Variants in MEGF11 observed in about 807,000 individuals in gnomAD.
The protein encoded by MEGF11 is multiple epidermal growth factor-like domains protein 11.
In MEGF11, 126 loss-of-function variants were observed where a neutral mutation model predicts 146.6. The ratio of observed to expected loss-of-function variants is 0.86; its 90% CI spans 0.74 to 1.00. The LOEUF (loss-of-function observed/expected upper bound fraction) is 1.00. MEGF11 is among the 50% of genes least tolerant of loss of function. The pLI is 0.00. For synonymous variants in MEGF11, 532 were observed against 583.4 expected, an observed-to-expected ratio of 0.91 and a Z score of 1.27; for missense variants, 1,509 against 1,521.2, an observed-to-expected ratio of 0.99 and a Z score of 0.13.
chr15:65,962,216 C>T lies in MEGF11; in HGVS notation c.1112+2692G>A, dbSNP rs528172945. ...AAAAAGGCTCATGGGAAGAGAGGGGCTGCCCTCCATCCACATAGAGGAAGA... is the reference window on the plus strand; with the variant it reads ...AAAAAGGCTCATGGGAAGAGAGGGGTTGCCCTCCATCCACATAGAGGAAGA... On this transcript the variant is annotated intron_variant, in intron 9 of 25. Transcript: ENST00000395614. 5.9e-5 allele frequency among the ~76,000 whole-genome samples: 9 copies of T among 152,312 alleles called. No homozygotes were observed. In the East Asian group the frequency reaches 1.7e-3, roughly 29 times the overall value.
intron 5 of MEGF11, among the ~76,000 whole-genome samples, chr15:66,029,272 G>A (rs2083439039): frequency 6.6e-6 from 1 of 152,136 alleles, no homozygotes; most frequent in Non-Finnish European, 1.5e-5. Context: ...AGGGAGGGGT[G>A]CAGAGAATGT....
At chr15:65,955,802 A>G (rs2080603593) in intron 10 of MEGF11, among the ~76,000 whole-genome samples, 1 of 81,648 alleles carries the variant, frequency 1.2e-5, no homozygotes, top group Non-Finnish European at 2.3e-5. Context: ...ATACACACAC[A>G]CACACACACA....
chr15:66,147,758 A>G (rs1427226129), intron 1 of MEGF11, among the ~76,000 whole-genome samples: 1 of 150,042 alleles, frequency 6.7e-6, no homozygotes, highest in Non-Finnish European at 1.5e-5. Context: ...CCCAGAACAC[A>G]ACACACCTTG....
intron 1 of MEGF11, among the ~76,000 whole-genome samples, chr15:66,229,419 A>C (rs1449663654): frequency 1.3e-5 from 2 of 152,172 alleles, no homozygotes; most frequent in African/African-American, 4.8e-5. Flanking sequence ...GCCAGGCAGA[A>C]ATGTGGGCCT....
At chr15:66,092,227 G>C (rs1345660507) in intron 5 of MEGF11, among the ~76,000 whole-genome samples, 1 of 152,242 alleles carries the variant, frequency 6.6e-6, no homozygotes, top group African/African-American at 2.4e-5. Flanking sequence ...AGGTATTCAA[G>C]CAAAGGTTGG....
chr15:66,176,558 T>G (rs2090393637), intron 1 of MEGF11, among the ~76,000 whole-genome samples: 1 of 152,152 alleles, frequency 6.6e-6, no homozygotes, highest in South Asian at 2.1e-4. Flanking sequence ...CAGCCACATC[T>G]CAAGAACTCA....
At chr15:65,939,035 A>G (rs1233854767) in intron 10 of MEGF11, among the ~76,000 whole-genome samples, 1 of 152,118 alleles carries the variant, frequency 6.6e-6, no homozygotes, top group East Asian at 1.9e-4. Context: ...GGAGGATGGA[A>G]AGTGGTTGAC....
intron 5 of MEGF11, among the ~76,000 whole-genome samples, chr15:65,987,130 C>G (rs2081890139): frequency 6.6e-6 from 1 of 152,192 alleles, no homozygotes; most frequent in Non-Finnish European, 1.5e-5. Context: ...AATGGCTTCA[C>G]CACCGTCTTC....
At chr15:66,014,853 A>G (rs1326216982) in intron 5 of MEGF11, among the ~76,000 whole-genome samples, 1 of 152,168 alleles carries the variant, frequency 6.6e-6, no homozygotes, top group African/African-American at 2.4e-5. Flanking sequence ...CCCAGAGAAA[A>G]TAACCACATA....
At chr15:65,989,957 G>A (rs755691329) in intron 5 of MEGF11, among the ~76,000 whole-genome samples, 22 of 152,232 alleles carry the variant, frequency 1.4e-4, no homozygotes, top group South Asian at 4.1e-4. Flanking sequence ...ACTTTGGGAG[G>A]CCGAGGAAGG....
intron 1 of MEGF11, among the ~76,000 whole-genome samples, chr15:66,170,010 T>C (rs1030534223): frequency 9.1e-5 from 6 of 65,670 alleles, no homozygotes; most frequent in Non-Finnish European, 2.9e-4. Flanking sequence ...AGAGACCGTC[T>C]GCCGAAAAAA....
At chr15:66,243,839 G>A (rs777695662) in intron 1 of MEGF11, among the ~76,000 whole-genome samples, 1 of 152,008 alleles carries the variant, frequency 6.6e-6, no homozygotes, top group Admixed American at 6.6e-5. Context: ...GATACACAGG[G>A]GTAAGTCACC....
chr15:66,138,429 G>A (rs571680800), intron 1 of MEGF11, among the ~76,000 whole-genome samples: 1 of 152,190 alleles, frequency 6.6e-6, no homozygotes, highest in South Asian at 2.1e-4. Context: ...AAAATAGATG[G>A]ATAAAGCACG....
intron 3 of MEGF11, among the ~76,000 whole-genome samples, chr15:66,121,752 CTG>C (rs1223203494): frequency 2.0e-5 from 3 of 152,204 alleles, no homozygotes. Flanking sequence ...CGTCTGGCCA[CTG>C]ATTTATCCTT....
chr15:65,967,343 G>C (rs1312188286), intron 8 of MEGF11, among the ~76,000 whole-genome samples: 1 of 152,180 alleles, frequency 6.6e-6, no homozygotes, highest in Non-Finnish European at 1.5e-5. Flanking sequence ...AATGTTAATA[G>C]TAGAGTGGAT....
At chr15:66,218,486 A>G (rs1597157650) in intron 1 of MEGF11, among the ~76,000 whole-genome samples, 1 of 152,266 alleles carries the variant, frequency 6.6e-6, no homozygotes, top group African/African-American at 2.4e-5. Context: ...CCTCGGATCC[A>G]GGCTTGATCC....
At chr15:66,095,212 G>A (rs2086490981) in intron 4 of MEGF11, among the ~76,000 whole-genome samples, 1 of 152,216 alleles carries the variant, frequency 6.6e-6, no homozygotes, top group South Asian at 2.1e-4. Flanking sequence ...TGGTGCTGAG[G>A]CTTATTGACA....
intron 1 of MEGF11, among the ~76,000 whole-genome samples, chr15:66,238,807 C>G (rs188449705): frequency 1.3e-5 from 2 of 151,872 alleles, no homozygotes; most frequent in African/African-American, 4.8e-5. Context: ...ACCCCACCCC[C>G]ACCCATCACT....
intron 1 of MEGF11, among the ~76,000 whole-genome samples, chr15:66,157,962 A>G (rs2089821477): frequency 6.6e-6 from 1 of 152,172 alleles, no homozygotes; most frequent in African/African-American, 2.4e-5. Flanking sequence ...CAGGCACAGG[A>G]TTTTATTTTA....
Sources: allele counts gnomAD v4.1 joint callset (sites outside exome capture counted in the v4.1 genomes callset), GRCh38; gene constraint gnomAD v4.1.1; transcripts MANE v1.5; gene names NCBI Gene and HGNC (gene_info 2026-07-23, HGNC 2026-07-21).